The following TOR1AIP1 variants were observed in gnomAD, a reference collection of about 807,000 sequenced individuals.
TOR1AIP1 encodes torsin 1A interacting protein 1.
TOR1AIP1 carries 54 observed loss-of-function variants against 63.3 expected under a neutral mutation model. The observed-to-expected ratio is 0.85, with a 90% CI of 0.69 to 1.07. TOR1AIP1 has a LOEUF of 1.07. Ranked by LOEUF, TOR1AIP1 falls within the 50% of genes least tolerant of loss-of-function variation. The pLI, the probability that TOR1AIP1 is intolerant of heterozygous loss-of-function variation, is 0.00. For synonymous variants in TOR1AIP1, 294 were observed against 273.5 expected (o/e 1.07, Z -0.74); for missense variants, 736 against 715.0 (o/e 1.03, Z -0.33).
At chr1:179,912,748 A>G (rs1035155782) in intron 8 of TOR1AIP1, among the ~76,000 whole-genome samples, 16 of 152,320 alleles carry the variant, frequency 1.1e-4, no homozygotes, top group African/African-American at 2.6e-4. Context: ...TTCCTCTTAC[A>G]GTTGCTGTCA....
intron 2 of TOR1AIP1, chr1:179,887,733 TG>T (rs1190902296): frequency 6.6e-6 from 1 of 152,232 alleles, no homozygotes; most frequent in Non-Finnish European, 1.5e-5. Context: ...AGAAGTTAAA[TG>T]GGTATTTTTG....
chr1:179,919,613 G>A lies in TOR1AIP1; in HGVS notation c.*1374G>A, dbSNP rs1354126654. On this transcript the variant is annotated 3_prime_UTR_variant, in exon 10 of 10. Transcript: ENST00000606911. ...AATTGAGCTTTCTCATCTGTCAAAT[G>A]CTATGGTTTTCTTAAAATGTTACAA... 6.6e-6 allele frequency: 1 copy of A among 152,154 alleles called. No homozygotes were observed. Among genetic ancestry groups the A allele is most frequent in the Non-Finnish European group, 1.5e-5 (1 of 68,034 alleles). The allele number at this position is 152,154 out of a possible 1,614,324, so 9.4% of individuals were successfully genotyped here. A position where few individuals can be genotyped will look rare whatever the true frequency, so the allele number is the denominator to read the frequency against.
At chr1:179,894,408 T>C (rs1648200959) in intron 3 of TOR1AIP1, among the ~76,000 whole-genome samples, 2 of 151,568 alleles carry the variant, frequency 1.3e-5, no homozygotes, top group African/African-American at 4.8e-5. Flanking sequence ...GGAAACAAGC[T>C]GGGCCTGGTG....
intron 1 of TOR1AIP1, chr1:179,883,985 A>G (rs1194608521): frequency 4.6e-6 from 1 of 217,972 alleles, no homozygotes; most frequent in East Asian, 1.1e-4. Flanking sequence ...TTTTCAGCTT[A>G]GAGCACGGTG....
chr1:179,913,541 T>G, intron 8 of TOR1AIP1: 1 of 702,296 alleles, frequency 1.4e-6, no homozygotes, highest in Non-Finnish European at 2.6e-6. Flanking sequence ...GACAGCTCAG[T>G]AGTCTGTAAT....
At position 179,882,568 on chromosome 1, in the gene TOR1AIP1, G is replaced by A. The variant is rs763572841; in HGVS notation, c.66G>A (p.Arg22=). 1.9e-5 allele frequency: 29 copies of A among 1,513,926 alleles called. No individual in the cohort carries two copies. Among genetic ancestry groups the A allele is most frequent in the African/African-American group, 1.1e-4 (8 of 71,484 alleles). 93.8% of individuals were successfully genotyped at this position (1,513,926 alleles called of 1,614,324 possible). A position where few individuals can be genotyped will look rare whatever the true frequency, so the allele number is the denominator to read the frequency against. The change falls in exon 1 of 10, where the codon AGG becomes AGA. Residue 22 remains arginine (R), a synonymous_variant. Coordinates refer to ENST00000606911, the MANE Select transcript of TOR1AIP1 (RefSeq NM_015602.4). ...REGWGVYVTP[R]APIREGRGRL... is the part of the protein sequence containing the mutation. ...GATGGGGTGTGTACGTCACCCCCAGGGCCCCCATCCGAGAGGGAAGGGGCC... is the reference window on the plus strand; with the variant it reads ...GATGGGGTGTGTACGTCACCCCCAGAGCCCCCATCCGAGAGGGAAGGGGCC...
chr1:179,913,876 T>G (rs1428876823), intron 8 of TOR1AIP1, 122 bp from the exon 9 acceptor site: 2 of 888,008 alleles, frequency 2.3e-6, no homozygotes, highest in Non-Finnish European at 3.5e-6. Context: ...TTCTTCTGCT[T>G]CTGGCTGATC....
chr1:179,883,466 T>A, intron 1 of TOR1AIP1: 1 of 374,054 alleles, frequency 2.7e-6, no homozygotes, highest in Non-Finnish European at 5.4e-6. Context: ...AAGGAGAAAT[T>A]TTGTGAGTGG....
intron 8 of TOR1AIP1, among the ~76,000 whole-genome samples, chr1:179,912,505 G>A (rs1404007970): frequency 6.6e-6 from 1 of 152,060 alleles, no homozygotes; most frequent in South Asian, 2.1e-4. Flanking sequence ...TTATTTAGCT[G>A]TCCTTCATCA....
In TOR1AIP1 at chr1:179,918,423, A is replaced by G. The variant is rs1649092285; in HGVS notation, c.*184A>G. ...TAATTATCTGTGATATGAGAGAATC[A>G]TTTCAGTTTCCATTGAGAGCTCTGT... On this transcript the variant is annotated 3_prime_UTR_variant, in exon 10 of 10. Coordinates refer to ENST00000606911, the MANE Select transcript of TOR1AIP1 (RefSeq NM_015602.4). The G allele has an allele frequency of 3.2e-6, 2 of 616,938 alleles. No homozygotes were observed. Among genetic ancestry groups the G allele is most frequent in the Non-Finnish European group, 5.5e-6 (2 of 364,982 alleles). 38.2% of individuals were successfully genotyped at this position (616,938 alleles called of 1,614,324 possible).
intron 3 of TOR1AIP1, among the ~76,000 whole-genome samples, chr1:179,893,529 C>T (rs1648174653): frequency 6.6e-6 from 1 of 152,108 alleles, no homozygotes; most frequent in African/African-American, 2.4e-5. Flanking sequence ...CAACCTCCAC[C>T]TCCCAGGCTT....
chr1:179,885,638 A>G (rs1245493083), intron 2 of TOR1AIP1, among the ~76,000 whole-genome samples: 1 of 152,208 alleles, frequency 6.6e-6, no homozygotes, highest in Non-Finnish European at 1.5e-5. Context: ...CCTGTTTCTA[A>G]TAAGATTATG....
intron 4 of TOR1AIP1, 62 bp from the exon 5 acceptor site, chr1:179,901,240 T>A: frequency 1.7e-6 from 2 of 1,153,200 alleles, no homozygotes; most frequent in Non-Finnish European, 2.4e-6. Context: ...TTGGTTTTTT[T>A]AAATTCAGAT....
intron 2 of TOR1AIP1, among the ~76,000 whole-genome samples, 185 bp from the exon 3 acceptor site, chr1:179,889,128 T>TGTCTCTAGTTCACTATC (rs1405130989): frequency 6.6e-6 from 1 of 152,212 alleles, no homozygotes; most frequent in East Asian, 1.9e-4. Flanking sequence ...GCAGGAAACT[T>TGTCTCTAGTTCACTATC]GTCTCTAGTT....
chr1:179,890,844 TC>T (rs767966502), intron 3 of TOR1AIP1, among the ~76,000 whole-genome samples: 12 of 152,276 alleles, frequency 7.9e-5, no homozygotes, highest in Non-Finnish European at 1.3e-4. Context: ...AGTCTCGAAT[TC>T]CTGGGCTCTA....
intron 6 of TOR1AIP1, among the ~76,000 whole-genome samples, chr1:179,906,743 C>CCCCTT (rs1491104735): frequency 5.0e-5 from 2 of 39,852 alleles, no homozygotes; most frequent in Non-Finnish European, 1.0e-4. Flanking sequence ...CCCCCCCCCC[C>CCCCTT]TTTTTTTTTT....
rs772444440 is a variant in TOR1AIP1 at position 179,918,103 on chromosome 1, A to G, written c.1616A>G (p.Lys539Arg). 4.3e-6 allele frequency: 7 copies of G among 1,614,180 alleles called. No homozygotes were observed. In the Admixed American group the frequency reaches 5.0e-5, roughly 12 times the overall value. Residue 539 changes from lysine (K) to arginine (R), a missense_variant, in exon 10 of 10, where the codon AAG becomes AGG. Coordinates refer to ENST00000606911, the MANE Select transcript of TOR1AIP1 (RefSeq NM_015602.4). ...EEKVRDFLKV[K>R]FTNSNTPNSY... is the part of the protein sequence containing the mutation. ...AAAGTAAGAGATTTTCTTAAAGTCAAGTTCACCAATTCTAACACACCCAAC... is the reference window on the plus strand; with the variant it reads ...AAAGTAAGAGATTTTCTTAAAGTCAGGTTCACCAATTCTAACACACCCAAC...
intron 9 of TOR1AIP1, 137 bp from the exon 10 acceptor site, chr1:179,917,315 A>C (rs939519625): frequency 2.6e-6 from 2 of 757,482 alleles, no homozygotes; most frequent in African/African-American, 3.5e-5. Context: ...TTATTAAGAA[A>C]ATTATCAGCT....
chr1:179,886,197 G>A (rs1647903851), intron 2 of TOR1AIP1, among the ~76,000 whole-genome samples: 1 of 151,884 alleles, frequency 6.6e-6, no homozygotes, highest in Non-Finnish European at 1.5e-5. Context: ...TGTATACCTG[G>A]GAAAGCAAAA....
Sources: gnomAD v4.1 joint callset for allele counts (sites outside exome capture counted in the v4.1 genomes callset) on GRCh38, gnomAD v4.1.1 for gene constraint, MANE v1.5 for transcripts, NCBI Gene and HGNC (gene_info 2026-07-23, HGNC 2026-07-21) for gene names.